The following CMIP variants were observed in gnomAD, a reference collection of about 807,000 sequenced individuals.
CMIP encodes C-Maf-inducing protein.
Under a neutral mutation model 97.3 loss-of-function variants are expected in CMIP, and 13 were observed. The ratio of observed to expected loss-of-function variants is 0.13; its 90% CI spans 0.09 to 0.21. The LOEUF is 0.21. Among genes scored for constraint, CMIP ranks in the 10% least tolerant of loss-of-function variants. The probability of loss-of-function intolerance (pLI) is 1.00; values close to 1 mark genes in which losing one functional copy is unlikely to be tolerated. For missense variants in CMIP, 847 were observed against 1,024.9 expected (o/e 0.83, Z 2.37); for synonymous variants, 538 against 436.3 (o/e 1.23, Z -2.91).
intron 2 of CMIP, among the ~76,000 whole-genome samples, chr16:81,612,564 A>T (rs930398578): frequency 1.3e-5 from 2 of 152,170 alleles, no homozygotes; most frequent in Non-Finnish European, 2.9e-5. Flanking sequence ...GGGCCGGGGA[A>T]GGGGAGCTTG....
chr16:81,559,874 G>A (rs765189534), intron 1 of CMIP, among the ~76,000 whole-genome samples: 4 of 152,178 alleles, frequency 2.6e-5, no homozygotes, highest in East Asian at 1.9e-4. Context: ...GGGGCTGGGC[G>A]TGGTGGCTCA....
At chr16:81,595,782 C>T (rs756281213) in intron 1 of CMIP, among the ~76,000 whole-genome samples, 2 of 152,148 alleles carry the variant, frequency 1.3e-5, no homozygotes, top group African/African-American at 4.8e-5. Flanking sequence ...TTTTGTTTAT[C>T]CATCATCTGT....
At chr16:81,688,271 T>A (rs559823653) in intron 10 of CMIP, among the ~76,000 whole-genome samples, 1 of 152,182 alleles carries the variant, frequency 6.6e-6, no homozygotes, top group Non-Finnish European at 1.5e-5. Flanking sequence ...GGCTCTTTCA[T>A]GAAAGGGTTA....
chr16:81,708,642 G>T (rs1221047891), intron 20 of CMIP, among the ~76,000 whole-genome samples: 1 of 152,232 alleles, frequency 6.6e-6, no homozygotes, highest in African/African-American at 2.4e-5. Flanking sequence ...AGGGGCCTCT[G>T]CTCAGTGCCA....
At chr16:81,578,236 TCAC>T (rs1015355228) in intron 1 of CMIP, among the ~76,000 whole-genome samples, 10 of 152,230 alleles carry the variant, frequency 6.6e-5, no homozygotes, top group African/African-American at 2.4e-4. Context: ...ATCACCTTCA[TCAC>T]CACCATCATC....
At chr16:81,659,940 A>G (rs1356975761) in intron 5 of CMIP, among the ~76,000 whole-genome samples, 1 of 152,130 alleles carries the variant, frequency 6.6e-6, no homozygotes, top group African/African-American at 2.4e-5. Flanking sequence ...TTTCATTCCA[A>G]CAGTTACATC....
intron 1 of CMIP, among the ~76,000 whole-genome samples, chr16:81,557,938 C>T (rs1374079350): frequency 1.3e-5 from 2 of 152,188 alleles, no homozygotes; most frequent in African/African-American, 2.4e-5. Context: ...CCCTGTTAAA[C>T]ACTAACTCCC....
intron 4 of CMIP, 84 bp from the exon 5 acceptor site, chr16:81,657,691 C>A: frequency 8.6e-7 from 1 of 1,165,326 alleles, no homozygotes; most frequent in Non-Finnish European, 1.2e-6. Flanking sequence ...TGTTTCAAAA[C>A]TGTGGATCTT....
At chr16:81,506,859 C>T (rs2089718260) in intron 1 of CMIP, among the ~76,000 whole-genome samples, 4 of 143,078 alleles carry the variant, frequency 2.8e-5, no homozygotes. Flanking sequence ...GAGCTGAGAT[C>T]ACGCCACTCC....
intron 3 of CMIP, chr16:81,631,500 C>T (rs922343292): frequency 4.6e-5 from 7 of 152,182 alleles, no homozygotes; most frequent in African/African-American, 1.7e-4. Flanking sequence ...TTCACCTGGG[C>T]CCCTCCTCCC....
intron 18 of CMIP, 32 bp downstream of exon 18, chr16:81,704,117 C>G: frequency 6.3e-7 from 1 of 1,585,264 alleles, no homozygotes; most frequent in Non-Finnish European, 8.6e-7. Context: ...CAGTCCCCCA[C>G]ACCCTCCTCC....
chr16:81,559,755 C>G (rs1300816706), intron 1 of CMIP, among the ~76,000 whole-genome samples: 1 of 152,150 alleles, frequency 6.6e-6, no homozygotes, highest in Non-Finnish European at 1.5e-5. Flanking sequence ...ATTCGCTCTA[C>G]TGTACATTTT....
At chr16:81,452,683 G>A (rs1387295745) in intron 1 of CMIP, among the ~76,000 whole-genome samples, 1 of 152,102 alleles carries the variant, frequency 6.6e-6, no homozygotes, top group Non-Finnish European at 1.5e-5. Context: ...AAATCACCCA[G>A]TAAAGTGGCT....
At chr16:81,693,745 C>T (rs912973492) in intron 13 of CMIP, among the ~76,000 whole-genome samples, 21 of 152,196 alleles carry the variant, frequency 1.4e-4, no homozygotes, top group Non-Finnish European at 2.2e-4. Flanking sequence ...GCCTTGATTT[C>T]GGGCTGGGCT....
intron 7 of CMIP, among the ~76,000 whole-genome samples, chr16:81,668,454 C>T (rs1278746162): frequency 6.6e-6 from 1 of 152,182 alleles, no homozygotes; most frequent in Non-Finnish European, 1.5e-5. Context: ...CGCCGACTTC[C>T]TGCCTCCTGG....
rs1159313892 is a variant in CMIP, at chr16:81,614,032, T to A, written c.426+6340T>A. Among the ~76,000 whole-genome samples the A allele has an allele frequency of 6.6e-6, 1 of 151,990 alleles. No individual in the cohort carries two copies. Among genetic ancestry groups the A allele is most frequent in the East Asian group, 1.9e-4 (1 of 5,182 alleles). Reference sequence around the variant, plus strand: ...AACTAGACAGGCGATTCCAGGACAGTGTGATGCGTTAGGCGAGGCATTCTG... The same window carrying A: ...AACTAGACAGGCGATTCCAGGACAGAGTGATGCGTTAGGCGAGGCATTCTG... On this transcript the variant is annotated intron_variant, in intron 2 of 20. Coordinates refer to ENST00000537098, the MANE Select transcript of CMIP (RefSeq NM_198390.3). The surrounding 1 kb of genome is among the most constrained non-coding windows in gnomAD (Gnocchi z 5.3).
At position 81,514,654 on chromosome 16, in the gene CMIP, G is replaced by A. The variant is rs77524171; in HGVS notation, c.300+69113G>A. On this transcript the variant is annotated intron_variant, in intron 1 of 20. Coordinates refer to ENST00000537098, the MANE Select transcript of CMIP (RefSeq NM_198390.3). ...ATCGCGGTGGCTCTGGAGCCTGAGA[G>A]CCCAGGAGAAGGTCATGGCTTCACC... 7.2e-3 allele frequency among the ~76,000 whole-genome samples: 1,104 copies of A among 152,282 alleles called. 12 individuals carry two copies. The highest frequency in any genetic ancestry group is 0.024 in the African/African-American group (1,015 of 41,550).
In CMIP at chr16:81,696,634, C is replaced by T. The variant is rs879100653; in HGVS notation, c.1605C>T (p.Ala535=). 1.2e-6 allele frequency: 2 copies of T among 1,607,108 alleles called. No individual in the cohort carries two copies. Among genetic ancestry groups the T allele is most frequent in the Admixed American group, 3.3e-5 (2 of 60,002 alleles). Residue 535 remains alanine, a synonymous_variant, in exon 14 of 21, where the codon GCC becomes GCT. Transcript: ENST00000537098. ...WFQLYSPGGV[A]CDDDGELFAS... ...AGCTCTACAGCCCCGGAGGGGTGGC[C>T]TGCGACGATGACGGGGAGCTGTTCG...
At chr16:81,697,794 T>G (rs1471419808) in intron 14 of CMIP, 1 of 152,270 alleles carries the variant, frequency 6.6e-6, no homozygotes, top group Non-Finnish European at 1.5e-5. Context: ...GGGAGCTTCT[T>G]GAAAAGGGCT....
Sources: allele counts gnomAD v4.1 joint callset (sites outside exome capture counted in the v4.1 genomes callset), GRCh38; gene constraint gnomAD v4.1.1; non-coding constraint Gnocchi (gnomAD v3.1); transcripts MANE v1.5; gene names NCBI Gene and HGNC (gene_info 2026-07-23, HGNC 2026-07-21).